Variants in GKAP1 observed in about 807,000 individuals in gnomAD.
The protein encoded by GKAP1 is G kinase-anchoring protein 1.
Under a neutral mutation model 56.7 loss-of-function variants are expected in GKAP1, and 31 were observed. That is an observed-to-expected ratio of 0.55 (90% confidence interval 0.41 to 0.74). The LOEUF (loss-of-function observed/expected upper bound fraction) is 0.74, where lower values mean the gene tolerates loss of function less well. Ranked by LOEUF, GKAP1 falls within the 30% of genes least tolerant of loss-of-function variation. GKAP1 has a pLI of 0.00. For synonymous variants in GKAP1, 151 were observed against 138.6 expected (o/e 1.09, Z -0.63); for missense variants, 364 against 402.3 (o/e 0.90, Z 0.82).
At chr9:83,741,554 A>G (rs1943209024) in intron 12 of GKAP1, among the ~76,000 whole-genome samples, 1 of 152,146 alleles carries the variant, frequency 6.6e-6, no homozygotes, top group African/African-American at 2.4e-5. Flanking sequence ...AAGGGTATTC[A>G]TACAATCTTA....
intron 3 of GKAP1, among the ~76,000 whole-genome samples, chr9:83,801,981 C>A (rs1448774397): frequency 6.6e-6 from 1 of 152,142 alleles, no homozygotes; most frequent in African/African-American, 2.4e-5. Context: ...TGGGACATTA[C>A]TATGAGAATA....
intron 5 of GKAP1, among the ~76,000 whole-genome samples, chr9:83,786,335 G>C (rs1564205034): frequency 6.6e-6 from 1 of 152,138 alleles, no homozygotes; most frequent in Non-Finnish European, 1.5e-5. Context: ...CTCAGGTCGG[G>C]AGTTCAAGAC....
intron 4 of GKAP1, among the ~76,000 whole-genome samples, chr9:83,791,895 C>T (rs966784194): frequency 1.9e-4 from 29 of 152,032 alleles, no homozygotes; most frequent in African/African-American, 6.8e-4. Flanking sequence ...TTTGGATAGG[C>T]AGAAATAGAA....
At chr9:83,789,313 C>T (rs569704034) in intron 4 of GKAP1, among the ~76,000 whole-genome samples, 5 of 152,200 alleles carry the variant, frequency 3.3e-5, no homozygotes, top group African/African-American at 1.2e-4. Context: ...CAGTTTTCAC[C>T]ACCCTCCAAT....
At chr9:83,791,885 T>C (rs1201847258) in intron 4 of GKAP1, among the ~76,000 whole-genome samples, 1 of 152,164 alleles carries the variant, frequency 6.6e-6, no homozygotes, top group Non-Finnish European at 1.5e-5. Flanking sequence ...ATAGATACAA[T>C]TTGGATAGGC....
intron 9 of GKAP1, among the ~76,000 whole-genome samples, chr9:83,749,945 T>C (rs1943360047): frequency 6.6e-6 from 1 of 152,150 alleles, no homozygotes; most frequent in South Asian, 2.1e-4. Context: ...TACACTCAAC[T>C]ACAACTATAT....
chr9:83,792,877 G>A, intron 4 of GKAP1: 2 of 306,358 alleles, frequency 6.5e-6, no homozygotes, highest in Non-Finnish European at 9.9e-6. Flanking sequence ...TTTATTTATG[G>A]GAGTAGGAGG....
chr9:83,779,574 C>CATATACACATGTATATGTGT (rs1943932958), intron 7 of GKAP1, among the ~76,000 whole-genome samples: 1 of 80,370 alleles, frequency 1.2e-5, no homozygotes, highest in African/African-American at 9.0e-5. Flanking sequence ...TATATACACA[C>CATATACACATGTATATGTGT]ATATATATAC....
chr9:83,811,719 G>A (rs979615941), intron 2 of GKAP1, among the ~76,000 whole-genome samples: 1 of 151,964 alleles, frequency 6.6e-6, no homozygotes, highest in African/African-American at 2.4e-5. Context: ...GTTTGATCAG[G>A]GTAAAGTGCA....
At chr9:83,746,004 T>G (rs1291801092) in intron 10 of GKAP1, among the ~76,000 whole-genome samples, 1 of 152,120 alleles carries the variant, frequency 6.6e-6, no homozygotes, top group Non-Finnish European at 1.5e-5. Flanking sequence ...TTGTCCAGGG[T>G]GGTCTCGAAC....
Position 83,817,127 on chromosome 9 carries a change from C to T in GKAP1, c.-175G>A, listed in dbSNP as rs1459424863. 6.6e-6 allele frequency: 1 copy of T among 152,182 alleles called. No individual in the cohort carries two copies. Among genetic ancestry groups the T allele is most frequent in the Admixed American group, 6.5e-5 (1 of 15,286 alleles). 9.4% of individuals were successfully genotyped at this position (152,182 alleles called of 1,614,324 possible). ...CTCGGGCAGAGAAGCGGCTTCAAAACCTGAAAGGGAGAAAACGAGTCAGGT... is the reference window on the plus strand; with the variant it reads ...CTCGGGCAGAGAAGCGGCTTCAAAATCTGAAAGGGAGAAAACGAGTCAGGT... On this transcript the variant is annotated splice_region_variant and 5_prime_UTR_variant, in exon 2 of 13. Coordinates refer to ENST00000376371, the MANE Select transcript of GKAP1 (RefSeq NM_025211.4).
At position 83,784,773 on chromosome 9, in the gene GKAP1, CTTTCT is replaced by C. The variant is rs772883238; in HGVS notation, c.499_503del (p.Arg167GlufsTer23). 13 of 1,603,214 alleles carry C rather than the reference CTTTCT, an allele frequency of 8.1e-6. No homozygotes were observed. Among genetic ancestry groups the C allele is most frequent in the African/African-American group, 1.3e-5 (1 of 74,554 alleles). ...GAGGTCTGTCTTTTCCCTGATGATT[CTTTCT>C]TTTATCTTTTTTATTCATAACTTTG... is the stretch of plus-strand genomic sequence containing the variant. On this transcript the variant is annotated frameshift_variant, in exon 6 of 13. Transcript: ENST00000376371. LOFTEE classifies it high-confidence loss of function.
chr9:83,756,031 C>T (rs1013226280), intron 8 of GKAP1, among the ~76,000 whole-genome samples: 1 of 152,026 alleles, frequency 6.6e-6, no homozygotes, highest in African/African-American at 2.4e-5. Context: ...TCTTGAACTC[C>T]AGATCTCAGG....
Position 83,792,593 on chromosome 9 carries a change from G to A in GKAP1, c.361-3915C>T, listed in dbSNP as rs1171102716. Among the ~76,000 whole-genome samples the A allele has an allele frequency of 2.6e-5, 4 of 152,226 alleles. No individual in the cohort carries two copies. The South Asian group carries it at 8.3e-4, about 32-fold the overall frequency. ...AAGGTTTTTGACCTTAGATAACAGG[G>A]AGAATGGTAGCACAAGACTAACACA... On this transcript the variant is annotated intron_variant, in intron 4 of 12. Transcript: ENST00000376371.
intron 4 of GKAP1, chr9:83,789,089 C>T (rs1264008043): frequency 6.5e-6 from 1 of 152,704 alleles, no homozygotes; most frequent in African/African-American, 2.4e-5. Flanking sequence ...CACAATATGC[C>T]ATTTCATGAA....
At chr9:83,773,827 G>A (rs188466831) in intron 7 of GKAP1, among the ~76,000 whole-genome samples, 7 of 152,112 alleles carry the variant, frequency 4.6e-5, no homozygotes, top group Admixed American at 4.6e-4. Context: ...TTTGGGCCTA[G>A]GTATTTTATA....
rs568684307 is a variant in GKAP1 at position 83,750,820 on chromosome 9, T to C, written c.840+2438A>G. On this transcript the variant is annotated intron_variant, in intron 9 of 12. Transcript: ENST00000376371. The stretch of plus-strand genomic sequence containing the variant: ...ATGTCACTTACCTTCTAAAGATTTT[T>C]AATGCCCTCTCTATTTTATTTCATT... Among the ~76,000 whole-genome samples the C allele has an allele frequency of 2.0e-5, 3 of 152,270 alleles. No homozygotes were observed. In the East Asian group the frequency reaches 5.8e-4, roughly 29 times the overall value.
intron 8 of GKAP1, among the ~76,000 whole-genome samples, chr9:83,766,192 C>T (rs915170832): frequency 1.3e-5 from 2 of 152,178 alleles, no homozygotes; most frequent in African/African-American, 4.8e-5. Context: ...ACCTGGCACT[C>T]ATTCTCTCTC....
intron 7 of GKAP1, among the ~76,000 whole-genome samples, chr9:83,776,184 T>C (rs1022210098): frequency 4.6e-5 from 7 of 152,134 alleles, no homozygotes; most frequent in African/African-American, 7.2e-5. Flanking sequence ...TTATGCTGGA[T>C]TGAGTTGGGC....
Sources: gnomAD v4.1 joint callset for allele counts (sites outside exome capture counted in the v4.1 genomes callset) on GRCh38, gnomAD v4.1.1 for gene constraint, MANE v1.5 for transcripts, NCBI Gene and HGNC (gene_info 2026-07-23, HGNC 2026-07-21) for gene names.